AFF3: variants seen among roughly 807,000 people sequenced by gnomAD.
AFF3 encodes the protein AF4/FMR2 family member 3.
Under a neutral mutation model 129.7 loss-of-function variants are expected in AFF3, and 32 were observed. The observed-to-expected ratio is 0.25, with a 90% CI of 0.19 to 0.33. The LOEUF (loss-of-function observed/expected upper bound fraction) is 0.33. AFF3 is among the 10% of genes least tolerant of loss of function. The pLI is 1.00. For missense variants in AFF3, 1,373 were observed against 1,592.0 expected, an observed-to-expected ratio of 0.86 and a Z score of 2.34; for synonymous variants, 644 against 635.4, an observed-to-expected ratio of 1.01 and a Z score of -0.20.
intron 8 of AFF3, among the ~76,000 whole-genome samples, chr2:99,771,092 G>A (rs1028892273): frequency 3.3e-5 from 5 of 152,170 alleles, no homozygotes; most frequent in Non-Finnish European, 5.9e-5. Context: ...AAAGGAACAA[G>A]ATCACGTCCT....
chr2:99,835,257 C>T (rs181684164), intron 8 of AFF3, among the ~76,000 whole-genome samples: 6 of 152,254 alleles, frequency 3.9e-5, no homozygotes, highest in East Asian at 3.9e-4. Flanking sequence ...TCAGCTGATC[C>T]GCATCTTATA....
chr2:100,077,764 G>A (rs1169511967), intron 4 of AFF3, among the ~76,000 whole-genome samples: 1 of 151,998 alleles, frequency 6.6e-6, no homozygotes, highest in Non-Finnish European at 1.5e-5. Context: ...AACTAACCAA[G>A]TGATGGTTTA....
chr2:99,546,359 T>C lies in AFF3; in HGVS notation c.*5115A>G. 1 of 232,914 alleles carries C rather than the reference T, an allele frequency of 4.3e-6. No individual in the cohort carries two copies. Among genetic ancestry groups the C allele is most frequent in the Non-Finnish European group, 8.5e-6 (1 of 117,850 alleles). 14.4% of individuals were successfully genotyped at this position (232,914 alleles called of 1,614,324 possible). Reference sequence around the variant, plus strand: ...CATCTCTGGGATGAGGAGTTCTCCATGGTGACCCTGAGTCAGGCTTCTTCT... The same window carrying C: ...CATCTCTGGGATGAGGAGTTCTCCACGGTGACCCTGAGTCAGGCTTCTTCT... On this transcript the variant is annotated 3_prime_UTR_variant, in exon 25 of 25. Transcript: ENST00000672756.
At chr2:99,905,228 G>A (rs567024837) in intron 7 of AFF3, among the ~76,000 whole-genome samples, 3 of 152,304 alleles carry the variant, frequency 2.0e-5, no homozygotes, top group East Asian at 1.9e-4. Context: ...CTTGCCCTCC[G>A]TGGAGCCCAC....
chr2:99,559,119 G>A, intron 21 of AFF3, 151 bp from the exon 22 acceptor site: 1 of 639,250 alleles, frequency 1.6e-6, no homozygotes, highest in Non-Finnish European at 2.7e-6. Context: ...TAATGTCTGT[G>A]AGGGAACATC....
chr2:99,633,909 C>CTTTTTT (rs139661861), intron 13 of AFF3, among the ~76,000 whole-genome samples: 59 of 116,390 alleles, frequency 5.1e-4, no homozygotes, highest in African/African-American at 1.2e-3. Flanking sequence ...TTCTTCCTTC[C>CTTTTTT]TTTTTTTTTT....
chr2:99,580,185 G>C lies in AFF3; in HGVS notation c.2794-1734C>G, dbSNP rs114545126. ...TCTGCACTTGCTGCTTCCTCTGCCTGTAATGCTCTTTGTCTCTTAGTATAT... is the reference window on the plus strand; with the variant it reads ...TCTGCACTTGCTGCTTCCTCTGCCTCTAATGCTCTTTGTCTCTTAGTATAT... On this transcript the variant is annotated intron_variant, in intron 17 of 24. Transcript: ENST00000672756. 6.2e-3 allele frequency among the ~76,000 whole-genome samples: 941 copies of C among 152,220 alleles called. 6 individuals are homozygous for C. Among genetic ancestry groups the C allele is most frequent in the Non-Finnish European group, 7.7e-3 (525 of 68,020 alleles).
intron 4 of AFF3, among the ~76,000 whole-genome samples, chr2:100,059,369 G>A (rs1208637478): frequency 2.0e-5 from 3 of 150,840 alleles, no homozygotes; most frequent in Non-Finnish European, 1.5e-5. Flanking sequence ...TAGTCTTTAA[G>A]GAAATGCAAA....
intron 11 of AFF3, among the ~76,000 whole-genome samples, chr2:99,714,726 AC>A (rs1486069500): frequency 5.9e-5 from 9 of 152,330 alleles, no homozygotes; most frequent in African/African-American, 2.2e-4. Context: ...AGTTTGTGTA[AC>A]CTTATTGTTA....
intron 2 of AFF3, among the ~76,000 whole-genome samples, chr2:100,123,383 G>A (rs1449464246): frequency 6.6e-6 from 1 of 152,158 alleles, no homozygotes; most frequent in African/African-American, 2.4e-5. Flanking sequence ...TGTGCTCCTG[G>A]TGACATGACT....
At chr2:99,973,878 C>T (rs17023327) in intron 7 of AFF3, among the ~76,000 whole-genome samples, 2,389 of 152,126 alleles carry the variant, frequency 0.016, 63 homozygotes, top group African/African-American at 0.048. Context: ...GGAACGCAGG[C>T]GTTAATGAGC....
At chr2:100,137,753 G>T (rs995835637) in intron 1 of AFF3, among the ~76,000 whole-genome samples, 1 of 152,202 alleles carries the variant, frequency 6.6e-6, no homozygotes, top group Non-Finnish European at 1.5e-5. Context: ...TTCTCCATAG[G>T]TGAAAGGAGT....
intron 19 of AFF3, among the ~76,000 whole-genome samples, chr2:99,567,177 A>AC (rs1301106404): frequency 8.9e-5 from 13 of 146,828 alleles, no homozygotes; most frequent in Admixed American, 2.8e-4. Flanking sequence ...ACAGGGTTTC[A>AC]CCATGTTGGC....
At chr2:99,678,436 G>A (rs891778282) in intron 11 of AFF3, among the ~76,000 whole-genome samples, 9 of 152,134 alleles carry the variant, frequency 5.9e-5, no homozygotes, top group South Asian at 2.1e-4. Flanking sequence ...TATTGCAAAC[G>A]GGCACGTTAA....
intron 8 of AFF3, among the ~76,000 whole-genome samples, chr2:99,787,071 C>T (rs989713204): frequency 2.0e-5 from 3 of 152,066 alleles, no homozygotes; most frequent in Non-Finnish European, 4.4e-5. Flanking sequence ...ATGCCCTTGG[C>T]CTTTACATGC....
At chr2:99,793,558 G>A (rs1685355638) in intron 8 of AFF3, among the ~76,000 whole-genome samples, 1 of 152,086 alleles carries the variant, frequency 6.6e-6, no homozygotes, top group Non-Finnish European at 1.5e-5. Context: ...TGAATCTATT[G>A]GCATAAAGTT....
At chr2:99,666,126 G>A (rs1418391594) in intron 12 of AFF3, among the ~76,000 whole-genome samples, 2 of 152,222 alleles carry the variant, frequency 1.3e-5, no homozygotes, top group Non-Finnish European at 2.9e-5. Context: ...TGGTGCAGAT[G>A]TGGTATTGAG....
intron 7 of AFF3, among the ~76,000 whole-genome samples, chr2:99,916,316 G>A (rs978211195): frequency 2.0e-5 from 3 of 152,102 alleles, no homozygotes; most frequent in African/African-American, 7.2e-5. Flanking sequence ...CCCTGTTTTG[G>A]TTTTTGCACA....
intron 8 of AFF3, among the ~76,000 whole-genome samples, chr2:99,778,768 A>G (rs1684140250): frequency 6.6e-6 from 1 of 151,884 alleles, no homozygotes; most frequent in African/African-American, 2.4e-5. Context: ...CCTTAATTTC[A>G]TTTTTTTGAT....
Sources: allele counts gnomAD v4.1 joint callset (sites outside exome capture counted in the v4.1 genomes callset), GRCh38; gene constraint gnomAD v4.1.1; transcripts MANE v1.5; gene names NCBI Gene and HGNC (gene_info 2026-07-23, HGNC 2026-07-21).